ZFP90: variants seen among roughly 807,000 people sequenced by gnomAD.
ZFP90 encodes the protein ZFP90 zinc finger protein.
A neutral mutation model predicts 60.8 loss-of-function variants in ZFP90; 38 were observed. That is an observed-to-expected ratio of 0.62 (90% CI 0.48 to 0.82). The LOEUF (loss-of-function observed/expected upper bound fraction) is 0.82. Ranked by LOEUF, ZFP90 falls within the 40% of genes least tolerant of loss-of-function variation. ZFP90 has a pLI of 0.00. For synonymous variants in ZFP90, 287 were observed against 264.8 expected, an observed-to-expected ratio of 1.08 and a Z score of -0.82; for missense variants, 711 against 759.1, an observed-to-expected ratio of 0.94 and a Z score of 0.74.
rs199759414 is a variant in ZFP90, at chr16:68,563,552, A to G, written c.765A>G (p.Glu255=). 4.8e-5 allele frequency: 77 copies of G among 1,614,224 alleles called. No homozygotes were observed. In the Middle Eastern group the frequency reaches 8.2e-4, roughly 17 times the overall value. Reference sequence around the variant, plus strand: ...TTTATCCTGGAAAGAAACACCATGAATGTACCGACTGTGGGAAAACCTTTC... The same window carrying G: ...TTTATCCTGGAAAGAAACACCATGAGTGTACCGACTGTGGGAAAACCTTTC... ...QGIYPGKKHH[E]CTDCGKTFLW... Residue 255 remains glutamate, a synonymous_variant, in exon 5 of 5, where the codon GAA becomes GAG. Coordinates refer to ENST00000563169, the MANE Select transcript of ZFP90 (RefSeq NM_001305203.2).
chr16:68,543,306 A>G (rs1048690155), intron 2 of ZFP90, among the ~76,000 whole-genome samples: 3 of 152,180 alleles, frequency 2.0e-5, no homozygotes, highest in Non-Finnish European at 2.9e-5. Context: ...GCCATGAATG[A>G]TGAATCCTAG....
At chr16:68,539,945 C>CGG in intron 2 of ZFP90, 120 bp downstream of exon 2, 2 of 1,374,554 alleles carry the variant, frequency 1.5e-6, no homozygotes, top group Non-Finnish European at 2.0e-6. Flanking sequence ...TTGGCTCGAT[C>CGG]GGAGCCTCCT....
At position 68,551,664 on chromosome 16, in the gene ZFP90, G is replaced by T. The variant is rs151113674; in HGVS notation, c.34-6334G>T. On this transcript the variant is annotated intron_variant, in intron 2 of 4. Transcript: ENST00000563169. ...GATCTCAGGTGATCCACCCGCCTTG[G>T]CCTCCCAAAGTGGTAGCATTACAGG... Among the ~76,000 whole-genome samples, 771 of 152,136 alleles carry T rather than the reference G, an allele frequency of 5.1e-3. 7 individuals carry two copies. Among genetic ancestry groups the T allele is most frequent in the African/African-American group, 0.018 (738 of 41,500 alleles).
At chr16:68,539,877 A>G (rs761574471) in intron 2 of ZFP90, 52 bp downstream of exon 2, 9 of 1,589,002 alleles carry the variant, frequency 5.7e-6, no homozygotes, top group Admixed American at 5.2e-5. Context: ...TATCCATCCC[A>G]TCTCCCAAGG....
chr16:68,551,090 G>A (rs1463219579), intron 2 of ZFP90, among the ~76,000 whole-genome samples: 2 of 152,154 alleles, frequency 1.3e-5, no homozygotes, highest in African/African-American at 4.8e-5. Flanking sequence ...ATACCACACT[G>A]TATTGCCGTA....
Position 68,565,895 on chromosome 16 carries a change from C to T in ZFP90, c.*1197C>T. 1 of 959,402 alleles carries T rather than the reference C, an allele frequency of 1.0e-6. No individual in the cohort carries two copies. The highest frequency in any genetic ancestry group is 1.2e-6 in the Non-Finnish European group (1 of 806,694). The allele number at this position is 959,402 out of a possible 1,614,324, so 59.4% of individuals were successfully genotyped here. A position where few individuals can be genotyped will look rare whatever the true frequency, so the allele number is the denominator to read the frequency against. On this transcript the variant is annotated 3_prime_UTR_variant, in exon 5 of 5. Transcript: ENST00000563169. ...ATCCCAGCACTTTGGGTGGCTAAGG[C>T]AGATAGACTGCTTGAACCCAGGAGT...
At chr16:68,560,149 G>A (rs1327351760) in intron 4 of ZFP90, among the ~76,000 whole-genome samples, 4 of 106,772 alleles carry the variant, frequency 3.7e-5, no homozygotes, top group Non-Finnish European at 2.3e-5. Flanking sequence ...CATACCATGA[G>A]ATTCACCCCT....
In ZFP90 at chr16:68,539,807, T is replaced by G; in HGVS notation, c.15T>G (p.Pro5=). 6.2e-7 allele frequency: 1 copy of G among 1,604,446 alleles called. No homozygotes were observed. Among genetic ancestry groups the G allele is most frequent in the Non-Finnish European group, 8.5e-7 (1 of 1,177,078 alleles). Residue 5 remains proline (P), a synonymous_variant, in exon 2 of 5, where the codon CCT becomes CCG. Transcript: ENST00000563169. ...GCGAGGCAGGAATGGCCCCGAGGCC[T>G]CCGACCGCCGCGCCCCAGGTGAGCA... MAPR[P]PTAAPQESVT...
At position 68,564,030 on chromosome 16, in the gene ZFP90, A is replaced by G. The variant is rs552298615; in HGVS notation, c.1243A>G (p.Ile415Val). 9 of 1,613,976 alleles carry G rather than the reference A, an allele frequency of 5.6e-6. No individual in the cohort carries two copies. In the Admixed American group the frequency reaches 8.3e-5, roughly 15 times the overall value. The change falls in exon 5 of 5, where the codon ATT becomes GTT. Residue 415 changes from isoleucine (I) to valine (V), a missense_variant. Physicochemically the swap from Ile to Val is conservative, Grantham distance 29 (BLOSUM62 3). Transcript: ENST00000563169. ...QSPSLYKHMR[I>V]HKRGKPYQSS... ...CCCATCCCTTTATAAACATATGAGG[A>G]TTCATAAGAGAGGCAAACCTTACCA...
At chr16:68,551,068 G>A (rs1197332936) in intron 2 of ZFP90, among the ~76,000 whole-genome samples, 1 of 152,168 alleles carries the variant, frequency 6.6e-6, no homozygotes, top group African/African-American at 2.4e-5. Context: ...GCCACTTAGT[G>A]CTTAAGTGGA....
intron 2 of ZFP90, among the ~76,000 whole-genome samples, chr16:68,554,777 C>T (rs2091317720): frequency 6.6e-6 from 1 of 152,078 alleles, no homozygotes; most frequent in Non-Finnish European, 1.5e-5. Context: ...CATAGTGAGA[C>T]CCCATCTCTA....
chr16:68,544,054 A>G (rs545957259), intron 2 of ZFP90, among the ~76,000 whole-genome samples: 2 of 151,794 alleles, frequency 1.3e-5, no homozygotes, highest in South Asian at 2.1e-4. Flanking sequence ...GGGTTTCACT[A>G]TGTTGGCCAG....
Position 68,563,872 on chromosome 16 carries a change from G to A in ZFP90, c.1085G>A (p.Gly362Glu). The A allele has an allele frequency of 6.2e-7, 1 of 1,614,094 alleles. No individual in the cohort carries two copies. Among genetic ancestry groups the A allele is most frequent in the Admixed American group, 1.7e-5 (1 of 59,990 alleles). ...ACTCAACACGAGGTCACACACAGTGGAGAGAAGCCCTTCCAGTGTAAGGAA... is the reference window on the plus strand; with the variant it reads ...ACTCAACACGAGGTCACACACAGTGAAGAGAAGCCCTTCCAGTGTAAGGAA... ...SLTQHEVTHS[G>E]EKPFQCKECG... Residue 362 changes from glycine to glutamate, a missense_variant, in exon 5 of 5, where the codon GGA becomes GAA. Gly to Glu is a moderately conservative substitution (Grantham distance 98, BLOSUM62 -2). This residue lies in a region of ZFP90 where 146 missense variants were observed against 201.4 expected (regional missense o/e 0.73). Coordinates refer to ENST00000563169, the MANE Select transcript of ZFP90 (RefSeq NM_001305203.2).
rs754342944 is a variant in ZFP90 at position 68,563,515 on chromosome 16, C to T, written c.728C>T (p.Thr243Ile). The change falls in exon 5 of 5, where the codon ACA becomes ATA. Residue 243 changes from threonine to isoleucine, a missense_variant. Thr to Ile is a moderately conservative substitution (Grantham distance 89). Coordinates refer to ENST00000563169, the MANE Select transcript of ZFP90 (RefSeq NM_001305203.2). Reference sequence around the variant, plus strand: ...GGAGAGGGAGCTTTCCCTAATGGAACAGATCAAGGAATTTATCCTGGAAAG... The same window carrying T: ...GGAGAGGGAGCTTTCCCTAATGGAATAGATCAAGGAATTTATCCTGGAAAG... ...HKGEGAFPNGTDQGIYPGKKH... is the reference protein window; with the variant it reads ...HKGEGAFPNGIDQGIYPGKKH... 10 of 1,614,080 alleles carry T rather than the reference C, an allele frequency of 6.2e-6. No homozygotes were observed. In the African/African-American group the frequency reaches 1.2e-4, roughly 19 times the overall value.
At chr16:68,572,305 A>T (rs2091572878) in intron 2 of ZFP90, among the ~76,000 whole-genome samples, 1 of 152,164 alleles carries the variant, frequency 6.6e-6, no homozygotes, top group Admixed American at 6.5e-5. Context: ...AACAGGAAGT[A>T]TTATTGTAGT....
intron 2 of ZFP90, among the ~76,000 whole-genome samples, chr16:68,545,174 C>T (rs1388433909): frequency 2.0e-5 from 3 of 151,768 alleles, no homozygotes; most frequent in Non-Finnish European, 4.4e-5. Flanking sequence ...CCACCGCGCC[C>T]GGCCCATGCA....
chr16:68,545,456 T>A (rs926192267), intron 2 of ZFP90, among the ~76,000 whole-genome samples: 2 of 152,212 alleles, frequency 1.3e-5, no homozygotes, highest in African/African-American at 2.4e-5. Flanking sequence ...ACAATGTGAT[T>A]TGCACTGAAC....
intron 1 of ZFP90, 91 bp downstream of exon 1, chr16:68,539,570 G>T: frequency 1.8e-6 from 1 of 544,350 alleles, no homozygotes. Context: ...GGCGTGGCCG[G>T]AGGGGGGTGT....
intron 2 of ZFP90, among the ~76,000 whole-genome samples, chr16:68,547,324 A>C (rs2091169353): frequency 6.6e-6 from 1 of 152,174 alleles, no homozygotes; most frequent in Non-Finnish European, 1.5e-5. Context: ...GTGATATCTC[A>C]TTGTAGTTTT....
Sources: gnomAD v4.1 joint callset for allele counts (sites outside exome capture counted in the v4.1 genomes callset) on GRCh38, gnomAD v4.1.1 for gene constraint, gnomAD v4.1.1 regional missense constraint, MANE v1.5 for transcripts, NCBI Gene and HGNC (gene_info 2026-07-23, HGNC 2026-07-21) for gene names.